STK32B: variants seen among roughly 807,000 people sequenced by gnomAD.
STK32B encodes the protein serine/threonine-protein kinase 32B.
A neutral mutation model predicts 52.6 loss-of-function variants in STK32B; 43 were observed. The ratio of observed to expected loss-of-function variants is 0.82; its 90% CI spans 0.64 to 1.05. The LOEUF (loss-of-function observed/expected upper bound fraction) is 1.05, where lower values mean the gene tolerates loss of function less well. Ranked by LOEUF, STK32B falls within the 50% of genes least tolerant of loss-of-function variation. The pLI is 0.00. For missense variants in STK32B, 621 were observed against 534.6 expected, an observed-to-expected ratio of 1.16 and a Z score of -1.59; for synonymous variants, 238 against 204.3, an observed-to-expected ratio of 1.17 and a Z score of -1.41.
chr4:5,276,534 G>C (rs1727835783), intron 3 of STK32B, among the ~76,000 whole-genome samples: 1 of 151,992 alleles, frequency 6.6e-6, no homozygotes, highest in Non-Finnish European at 1.5e-5. Flanking sequence ...CAAACAAAAG[G>C]GTAGTTAATA....
chr4:5,042,825 G>T, the STK32B span, among the ~76,000 whole-genome samples: 1 of 152,038 alleles, frequency 6.6e-6, no homozygotes, highest in African/African-American at 2.4e-5. Context: ...GTGCAGCAGG[G>T]GCCGGGCGCG....
intron 3 of STK32B, among the ~76,000 whole-genome samples, chr4:5,182,763 A>C (rs937809920): frequency 6.6e-6 from 1 of 151,944 alleles, no homozygotes; most frequent in African/African-American, 2.4e-5. Flanking sequence ...CCAGCCCCAA[A>C]ATGTACTTCT....
rs1415667647 is a variant in STK32B, at chr4:5,317,035, AATATATTAT to A, written c.261-14178_261-14170del. On this transcript the variant is annotated intron_variant, in intron 3 of 11. Transcript: ENST00000282908. The stretch of plus-strand genomic sequence containing the variant: ...ATATAATATATAATATATATGATAT[AATATATTAT>A]ATATATAATATATATGATATAATAT... Among the ~76,000 whole-genome samples the A allele has an allele frequency of 3.7e-4, 9 of 24,274 alleles. 1 individual carries two copies. In the East Asian group the frequency reaches 7.9e-3, roughly 21 times the overall value. The allele number at this position is 24,274 out of a possible 152,430, so 15.9% of individuals were successfully genotyped here. A position where few individuals can be genotyped will look rare whatever the true frequency, so the allele number is the denominator to read the frequency against.
intron 3 of STK32B, among the ~76,000 whole-genome samples, chr4:5,295,035 G>T (rs977467849): frequency 6.6e-6 from 1 of 152,172 alleles, no homozygotes; most frequent in African/African-American, 2.4e-5. Context: ...AGATAGTCAT[G>T]TGGTTTTTGT....
intron 3 of STK32B, among the ~76,000 whole-genome samples, chr4:5,299,418 T>TAAG (rs112112189): frequency 0.14 from 20,849 of 152,036 alleles, 2,860 homozygotes; most frequent in African/African-American, 0.36. Context: ...GTCTTACATT[T>TAAG]TTTTAATCCA....
chr4:5,452,549 A>G (rs956353106), intron 7 of STK32B, among the ~76,000 whole-genome samples: 3 of 152,130 alleles, frequency 2.0e-5, no homozygotes, highest in Admixed American at 6.5e-5. Context: ...AGATGATTCA[A>G]CGGTTCCAGG....
chr4:5,317,427 A>G (rs867353577), intron 3 of STK32B, among the ~76,000 whole-genome samples: 2 of 96,638 alleles, frequency 2.1e-5, no homozygotes, highest in East Asian at 2.7e-4. Context: ...TATATAATAC[A>G]TATATATTAC....
At chr4:5,219,887 T>A (rs1365489213) in intron 3 of STK32B, among the ~76,000 whole-genome samples, 2 of 152,112 alleles carry the variant, frequency 1.3e-5, no homozygotes, top group Non-Finnish European at 2.9e-5. Context: ...GCAGGACTGG[T>A]AGGGAGCGGA....
intron 11 of STK32B, among the ~76,000 whole-genome samples, chr4:5,493,088 C>A (rs557720007): frequency 2.6e-5 from 4 of 151,506 alleles, no homozygotes; most frequent in African/African-American, 4.9e-5. Context: ...ATGATGCTGG[C>A]CTCATAAAAT....
At chr4:5,312,142 T>A (rs950101176) in intron 3 of STK32B, among the ~76,000 whole-genome samples, 1 of 151,786 alleles carries the variant, frequency 6.6e-6, no homozygotes, top group Non-Finnish European at 1.5e-5. Context: ...ATACAATTTT[T>A]TTCTTTTATG....
At chr4:5,308,724 G>C (rs1730092882) in intron 3 of STK32B, among the ~76,000 whole-genome samples, 1 of 152,056 alleles carries the variant, frequency 6.6e-6, no homozygotes, top group Non-Finnish European at 1.5e-5. Context: ...GTGAATATTT[G>C]TTTAATAAAT....
rs549318327 is a variant in STK32B at position 5,217,175 on chromosome 4, A to G, written c.260+48725A>G. Among the ~76,000 whole-genome samples, 6 of 152,352 alleles carry G rather than the reference A, an allele frequency of 3.9e-5. No individual in the cohort carries two copies. The South Asian group carries it at 6.2e-4, about 16-fold the overall frequency. On this transcript the variant is annotated intron_variant, in intron 3 of 11. Transcript: ENST00000282908. ...TGGCTCTGGGCCCCTTATACAATAC[A>G]TAATTTGAATTATAGACTAAAATGA...
chr4:5,260,321 A>C (rs10012412), intron 3 of STK32B, among the ~76,000 whole-genome samples: 20,436 of 152,216 alleles, frequency 0.13, 3,499 homozygotes, highest in African/African-American at 0.4. Context: ...TGCTCAGCTT[A>C]TGACACATAC....
intron 3 of STK32B, among the ~76,000 whole-genome samples, chr4:5,305,048 A>T (rs7677321): frequency 0.086 from 12,632 of 146,896 alleles, 839 homozygotes; most frequent in African/African-American, 0.2. Flanking sequence ...CCACTTGATC[A>T]TGGTGGATTA....
Position 5,485,448 on chromosome 4 carries a change from TA to T in STK32B, c.1107-13495del, listed in dbSNP as rs749663491. On this transcript the variant is annotated intron_variant, in intron 11 of 11. Coordinates refer to ENST00000282908, the MANE Select transcript of STK32B (RefSeq NM_018401.3). ...TGGTTTTCAGCTCTATCAGGTCCTT[TA>T]AGGACTTCTCTGTATTGGTTATTCT... 4.9e-4 allele frequency among the ~76,000 whole-genome samples: 75 copies of T among 152,322 alleles called. 1 individual carries two copies. The highest frequency in any genetic ancestry group is 4.8e-3 in the Admixed American group (74 of 15,308).
At chr4:5,412,945 T>A (rs1024830941) in intron 5 of STK32B, among the ~76,000 whole-genome samples, 6 of 152,066 alleles carry the variant, frequency 3.9e-5, no homozygotes, top group Non-Finnish European at 8.8e-5. Flanking sequence ...GACACATTTT[T>A]CCCTTCCCTT....
intron 3 of STK32B, among the ~76,000 whole-genome samples, chr4:5,202,684 C>A (rs1473123311): frequency 2.0e-5 from 3 of 152,248 alleles, no homozygotes; most frequent in African/African-American, 4.8e-5. Flanking sequence ...ATCTTCTGCA[C>A]ACCCACAGGC....
chr4:5,381,165 G>T (rs1193351131), intron 4 of STK32B, among the ~76,000 whole-genome samples: 3 of 152,220 alleles, frequency 2.0e-5, no homozygotes, highest in Non-Finnish European at 4.4e-5. Flanking sequence ...GTGATAGAAT[G>T]AATGGAAATA....
At chr4:5,293,706 A>G in intron 3 of STK32B, among the ~76,000 whole-genome samples, 1 of 152,064 alleles carries the variant, frequency 6.6e-6, no homozygotes. Context: ...TCAGATGGAT[A>G]GATTGCAAAA....
Sources: allele counts gnomAD v4.1 joint callset (sites outside exome capture counted in the v4.1 genomes callset), GRCh38; gene constraint gnomAD v4.1.1; transcripts MANE v1.5; gene names NCBI Gene and HGNC (gene_info 2026-07-23, HGNC 2026-07-21).